The following CNTN5 variants were observed in gnomAD, a reference collection of about 807,000 sequenced individuals.
The protein encoded by CNTN5 is contactin 5, also known as contactin-5.
Under a neutral mutation model 129.1 loss-of-function variants are expected in CNTN5, and 77 were observed. The observed-to-expected ratio is 0.60, with a 90% CI of 0.50 to 0.72. CNTN5 has a LOEUF of 0.72. Among genes scored for constraint, CNTN5 ranks in the 30% least tolerant of loss-of-function variants. The probability of loss-of-function intolerance (pLI) is 0.00; values close to 1 mark genes in which losing one functional copy is unlikely to be tolerated. For synonymous variants in CNTN5, 509 were observed against 465.6 expected (o/e 1.09, Z -1.20); for missense variants, 1,478 against 1,328.8 (o/e 1.11, Z -1.75).
intron 3 of CNTN5, among the ~76,000 whole-genome samples, chr11:99,668,241 A>T (rs1952880301): frequency 6.6e-6 from 1 of 152,158 alleles, no homozygotes. Flanking sequence ...CACACCCCAG[A>T]GTACCAAGGT....
intron 15 of CNTN5, among the ~76,000 whole-genome samples, chr11:100,220,922 T>A (rs1949250036): frequency 6.6e-6 from 1 of 152,214 alleles, no homozygotes; most frequent in Non-Finnish European, 1.5e-5. Context: ...TATTGTCAGC[T>A]ACACACAGGA....
At chr11:99,730,802 G>A (rs1943505228) in intron 3 of CNTN5, among the ~76,000 whole-genome samples, 1 of 152,102 alleles carries the variant, frequency 6.6e-6, no homozygotes, top group South Asian at 2.1e-4. Flanking sequence ...TTTGTGTTGG[G>A]AACATTTTAA....
chr11:99,385,864 A>G (rs879925197), intron 2 of CNTN5, among the ~76,000 whole-genome samples: 26 of 152,126 alleles, frequency 1.7e-4, no homozygotes, highest in Non-Finnish European at 3.1e-4. Context: ...ATCCTACAAG[A>G]TCTTTAGACA....
intron 4 of CNTN5, among the ~76,000 whole-genome samples, chr11:99,828,200 A>C (rs1230681356): frequency 6.6e-6 from 1 of 152,206 alleles, no homozygotes; most frequent in Non-Finnish European, 1.5e-5. Context: ...GCTCATTATA[A>C]GAGTAATTTG....
chr11:99,509,403 T>C (rs75022137), intron 2 of CNTN5, among the ~76,000 whole-genome samples: 10,013 of 152,278 alleles, frequency 0.066, 364 homozygotes, highest in African/African-American at 0.097. Context: ...TTAAGATTAA[T>C]TTAATACAAA....
chr11:100,064,450 GTTAAA>G (rs1219959664), intron 10 of CNTN5, among the ~76,000 whole-genome samples: 4 of 152,118 alleles, frequency 2.6e-5, no homozygotes, highest in Non-Finnish European at 4.4e-5. Context: ...GTCCATGGTA[GTTAAA>G]TTAAAGTTAA....
intron 15 of CNTN5, among the ~76,000 whole-genome samples, chr11:100,199,001 A>G (rs567702605): frequency 2.0e-5 from 3 of 152,112 alleles, no homozygotes; most frequent in African/African-American, 7.2e-5. Context: ...AATAGAACAT[A>G]GTAAGTGCTC....
chr11:99,721,593 A>G (rs1262585008), intron 3 of CNTN5, among the ~76,000 whole-genome samples: 1 of 152,142 alleles, frequency 6.6e-6, no homozygotes, highest in Non-Finnish European at 1.5e-5. Flanking sequence ...CATGATGAAG[A>G]CACCAAAAGC....
At chr11:99,892,567 A>AT (rs1463177481) in intron 6 of CNTN5, among the ~76,000 whole-genome samples, 3 of 152,000 alleles carry the variant, frequency 2.0e-5, no homozygotes, top group East Asian at 1.9e-4. Context: ...TTCCCAACAC[A>AT]TTTTTTAAAA....
At chr11:100,090,017 G>A (rs1215881315) in intron 13 of CNTN5, among the ~76,000 whole-genome samples, 1 of 152,066 alleles carries the variant, frequency 6.6e-6, no homozygotes, top group Non-Finnish European at 1.5e-5. Context: ...TAACAAGCCT[G>A]CACATCCTGA....
intron 3 of CNTN5, among the ~76,000 whole-genome samples, chr11:99,739,144 T>G (rs1487452679): frequency 6.6e-6 from 1 of 152,172 alleles, no homozygotes; most frequent in African/African-American, 2.4e-5. Context: ...CAAACATTCC[T>G]CTTACTGCAC....
chr11:99,425,436 C>A (rs1449373816), intron 2 of CNTN5, among the ~76,000 whole-genome samples: 2 of 152,204 alleles, frequency 1.3e-5, no homozygotes, highest in Non-Finnish European at 2.9e-5. Context: ...GCCTGCAGGC[C>A]CAGGCCAAGA....
chr11:99,029,461 A>C (rs982848656), intron 1 of CNTN5, among the ~76,000 whole-genome samples: 5 of 152,094 alleles, frequency 3.3e-5, no homozygotes, highest in African/African-American at 7.2e-5. Context: ...GTCAGGACAC[A>C]GCTTAATAAG....
chr11:99,710,638 A>T (rs1651333886), intron 3 of CNTN5, among the ~76,000 whole-genome samples: 1 of 150,894 alleles, frequency 6.6e-6, no homozygotes, highest in Admixed American at 6.7e-5. Flanking sequence ...AAAGGTCCAC[A>T]TCCCAAATCT....
At chr11:99,357,948 A>G (rs1054779377) in intron 2 of CNTN5, among the ~76,000 whole-genome samples, 1 of 150,612 alleles carries the variant, frequency 6.6e-6, no homozygotes, top group African/African-American at 2.4e-5. Flanking sequence ...AGGTTGCAGT[A>G]AGCCGAGGTC....
chr11:99,335,627 A>G (rs1866187608), intron 2 of CNTN5, among the ~76,000 whole-genome samples: 1 of 152,104 alleles, frequency 6.6e-6, no homozygotes, highest in African/African-American at 2.4e-5. Flanking sequence ...AGCTTCTTGT[A>G]TATCTTCCCT....
intron 3 of CNTN5, among the ~76,000 whole-genome samples, chr11:99,777,552 G>C (rs777532528): frequency 6.6e-6 from 1 of 151,668 alleles, no homozygotes; most frequent in East Asian, 1.9e-4. Context: ...TTACTTGAAA[G>C]CAATTTTATA....
rs571600959 is a variant in CNTN5, at chr11:100,161,384, C to A, written c.1581-29742C>A. ...GACTTGGTAAATATTATAGTTAATA[C>A]CTGCAGATTGACATTGCATTCTATT... On this transcript the variant is annotated intron_variant, in intron 13 of 24. Coordinates refer to ENST00000524871, the MANE Select transcript of CNTN5 (RefSeq NM_014361.4). 3.3e-5 allele frequency among the ~76,000 whole-genome samples: 5 copies of A among 151,912 alleles called. No homozygotes were observed. In the East Asian group the frequency reaches 9.7e-4, roughly 30 times the overall value.
At chr11:99,499,296 A>T (rs996915672) in intron 2 of CNTN5, among the ~76,000 whole-genome samples, 1 of 152,128 alleles carries the variant, frequency 6.6e-6, no homozygotes, top group African/African-American at 2.4e-5. Context: ...AAATGTTCCC[A>T]GTGTGATAGT....
Sources: allele counts gnomAD v4.1 joint callset (sites outside exome capture counted in the v4.1 genomes callset), GRCh38; gene constraint gnomAD v4.1.1; transcripts MANE v1.5; gene names NCBI Gene and HGNC (gene_info 2026-07-23, HGNC 2026-07-21).